The following BSN variants were observed in gnomAD, a reference collection of about 807,000 sequenced individuals.
The protein encoded by BSN is protein bassoon.
BSN carries 57 observed loss-of-function variants against 264.8 expected under a neutral mutation model. The ratio of observed to expected loss-of-function variants is 0.22; its 90% CI spans 0.17 to 0.27. BSN has a LOEUF of 0.27. Ranked by LOEUF, BSN falls within the 10% of genes least tolerant of loss-of-function variation. The probability of loss-of-function intolerance (pLI) is 1.00; values close to 1 mark genes in which losing one functional copy is unlikely to be tolerated. For synonymous variants in BSN, 2,059 were observed against 2,137.3 expected (o/e 0.96, Z 1.01); for missense variants, 4,615 against 5,232.5 (o/e 0.88, Z 3.64).
In BSN at chr3:49,658,247, C is replaced by T. The variant is rs377189575; in HGVS notation, c.8640+51C>T. 68 of 1,476,456 alleles carry T rather than the reference C, an allele frequency of 4.6e-5. No homozygotes were observed. In the East Asian group the frequency reaches 5.7e-4, roughly 12 times the overall value. 91.5% of individuals were successfully genotyped at this position (1,476,456 alleles called of 1,614,324 possible). A position where few individuals can be genotyped will look rare whatever the true frequency, so the allele number is the denominator to read the frequency against. On this transcript the variant is annotated intron_variant, in intron 5 of 11. Coordinates refer to ENST00000296452, the MANE Select transcript of BSN (RefSeq NM_003458.4). Reference sequence around the variant, plus strand: ...GTGGGACAGGGGTCTCTGCCTAGCCCGAGGGGCCCCCACAGGGAGGGGCTT... The same window carrying T: ...GTGGGACAGGGGTCTCTGCCTAGCCTGAGGGGCCCCCACAGGGAGGGGCTT...
At chr3:49,606,227 C>CA (rs2052144415) in intron 1 of BSN, among the ~76,000 whole-genome samples, 1 of 13,668 alleles carries the variant, frequency 7.3e-5, no homozygotes, top group Non-Finnish European at 1.4e-4. Context: ...ATTATATATA[C>CA]ATATATTATA....
At chr3:49,560,855 G>A (rs1420807792) in intron 1 of BSN, among the ~76,000 whole-genome samples, 1 of 152,170 alleles carries the variant, frequency 6.6e-6, no homozygotes, top group African/African-American at 2.4e-5. Flanking sequence ...CGGGCTTCTA[G>A]TGGGGGTCTG....
rs761198566 is a variant in BSN at position 49,661,528 on chromosome 3, C to T, written c.9683C>T (p.Pro3228Leu). The change falls in exon 6 of 12, where the codon CCT (proline) becomes CTT (leucine). Residue 3228 changes from proline (P) to leucine (L), a missense_variant. Pro to Leu is a moderately conservative substitution (Grantham distance 98, BLOSUM62 -3). Coordinates refer to ENST00000296452, the MANE Select transcript of BSN (RefSeq NM_003458.4). Reference protein sequence around the residue: ...SHYTSLEQNVPRNYVMIDDIS... With the variant: ...SHYTSLEQNVLRNYVMIDDIS... ...TATACCAGTCTGGAGCAGAACGTTC[C>T]TCGAAACTACGTAATGATTGATGAC... is the stretch of plus-strand genomic sequence containing the variant. 4 of 1,613,986 alleles carry T rather than the reference C, an allele frequency of 2.5e-6. No individual in the cohort carries two copies. The highest frequency in any genetic ancestry group is 2.2e-5 in the South Asian group (2 of 91,086).
At chr3:49,617,977 G>A (rs780350845) in intron 1 of BSN, among the ~76,000 whole-genome samples, 2 of 152,124 alleles carry the variant, frequency 1.3e-5, no homozygotes, top group African/African-American at 2.4e-5. Context: ...GCATTGTTGA[G>A]TGCTCCTCCT....
At chr3:49,606,049 A>G (rs1559603296) in intron 1 of BSN, among the ~76,000 whole-genome samples, 2 of 92,742 alleles carry the variant, frequency 2.2e-5, no homozygotes, top group African/African-American at 8.9e-5. Context: ...ATTATATTAT[A>G]TATAATTATA....
intron 1 of BSN, among the ~76,000 whole-genome samples, chr3:49,610,835 C>G (rs897213904): frequency 1.1e-4 from 16 of 152,190 alleles, no homozygotes; most frequent in Non-Finnish European, 2.2e-4. Flanking sequence ...GTCCAGTCCC[C>G]TGAGCACAGC....
At chr3:49,616,931 G>C (rs540905149) in intron 1 of BSN, among the ~76,000 whole-genome samples, 3 of 152,318 alleles carry the variant, frequency 2.0e-5, no homozygotes, top group African/African-American at 7.2e-5. Context: ...TGGTGGGGGA[G>C]AGGCTAACTG....
intron 1 of BSN, among the ~76,000 whole-genome samples, chr3:49,565,853 G>A (rs572118697): frequency 6.5e-4 from 98 of 151,706 alleles, no homozygotes; most frequent in African/African-American, 2.3e-3. Context: ...ACGGAGTCTC[G>A]CCCTATTGCC....
intron 1 of BSN, among the ~76,000 whole-genome samples, chr3:49,589,878 G>A (rs1373902617): frequency 1.3e-4 from 15 of 118,414 alleles, no homozygotes; most frequent in African/African-American, 3.9e-4. Context: ...TCACTCTGTC[G>A]CCAGGCTGGA....
intron 1 of BSN, among the ~76,000 whole-genome samples, chr3:49,602,648 G>T (rs182741923): frequency 2.0e-4 from 31 of 152,146 alleles, no homozygotes; most frequent in African/African-American, 7.0e-4. Context: ...GTTTCACCAT[G>T]TTGGCCAGGC....
Position 49,568,996 on chromosome 3 carries a change from C to T in BSN, c.224+14170C>T, listed in dbSNP as rs565285642. 1.1e-4 allele frequency among the ~76,000 whole-genome samples: 16 copies of T among 152,152 alleles called. 1 individual carries two copies. In the South Asian group the frequency reaches 2.9e-3, roughly 28 times the overall value. ...AGTAGTAAGAGTGATGAAAAGTGCT[C>T]AACTTCTGAATATATTCTGGAAATT... On this transcript the variant is annotated intron_variant, in intron 1 of 11. Transcript: ENST00000296452.
In BSN at chr3:49,607,136, G is replaced by A. The variant is rs150550092; in HGVS notation, c.225-17839G>A. On this transcript the variant is annotated intron_variant, in intron 1 of 11. Transcript: ENST00000296452. Reference sequence around the variant, plus strand: ...TCTTTTGTCAGACACAGGCCATACAGTTCTACCATTATCTCTCCCTTAGCA... The same window carrying A: ...TCTTTTGTCAGACACAGGCCATACAATTCTACCATTATCTCTCCCTTAGCA... Among the ~76,000 whole-genome samples, 542 of 152,206 alleles carry A rather than the reference G, an allele frequency of 3.6e-3. 6 individuals are homozygous for A. The highest frequency in any genetic ancestry group is 5.3e-3 in the Non-Finnish European group (357 of 68,000).
intron 1 of BSN, among the ~76,000 whole-genome samples, chr3:49,567,602 A>G (rs988266731): frequency 6.6e-6 from 1 of 152,224 alleles, no homozygotes; most frequent in African/African-American, 2.4e-5. Flanking sequence ...ACCTCACAGC[A>G]CATTTCAAGC....
intron 1 of BSN, among the ~76,000 whole-genome samples, chr3:49,605,499 A>T (rs946923655): frequency 1.1e-3 from 6 of 5,254 alleles, no homozygotes; most frequent in African/African-American, 2.4e-3. Flanking sequence ...TATTATATAT[A>T]ATATATATTA....
In BSN at chr3:49,660,552, G is replaced by A; in HGVS notation, c.8707G>A (p.Glu2903Lys). The change falls in exon 6 of 12, where the codon GAG becomes AAG. Residue 2903 changes from glutamate to lysine, a missense_variant. Physicochemically the swap from Glu to Lys is moderately conservative, Grantham distance 56. Around this residue, in one of 3 missense-constraint regions of BSN, gnomAD observed 3,415 missense variants for 3,866.4 expected, o/e 0.88. Coordinates refer to ENST00000296452, the MANE Select transcript of BSN (RefSeq NM_003458.4). This position sits in a 1 kb window ranked among gnomAD's most constrained non-coding sequence, Gnocchi z 7.1. ...VKRTLPSPPP[E>K]EAHLPLAGQA... Reference sequence around the variant, plus strand: ...GCGGACACTGCCCAGCCCCCCTCCAGAGGAGGCTCACCTTCCCCTGGCTGG... The same window carrying A: ...GCGGACACTGCCCAGCCCCCCTCCAAAGGAGGCTCACCTTCCCCTGGCTGG... The A allele has an allele frequency of 6.3e-7, 1 of 1,591,988 alleles. No homozygotes were observed. The highest frequency in any genetic ancestry group is 1.1e-5 in the South Asian group (1 of 88,276).
downstream of BSN, among the ~76,000 whole-genome samples, chr3:49,671,938 C>A (rs528171557): frequency 6.6e-6 from 1 of 152,302 alleles, no homozygotes; most frequent in South Asian, 2.1e-4. This position sits in a 1 kb window ranked among gnomAD's most constrained non-coding sequence, Gnocchi z 4.1. Context: ...TTTTCCAACC[C>A]CCAAACTCTC....
At chr3:49,570,214 C>T (rs1410788418) in intron 1 of BSN, among the ~76,000 whole-genome samples, 2 of 152,118 alleles carry the variant, frequency 1.3e-5, no homozygotes, top group Non-Finnish European at 2.9e-5. Context: ...TAAGATACAC[C>T]ACCCATAGAG....
At chr3:49,588,519 T>C (rs1427352941) in intron 1 of BSN, among the ~76,000 whole-genome samples, 4 of 152,240 alleles carry the variant, frequency 2.6e-5, no homozygotes, top group African/African-American at 9.6e-5. Flanking sequence ...AAATGCTTTT[T>C]CAGCATCAAT....
rs2052476583 is a variant in BSN at position 49,642,931 on chromosome 3, G to A, written c.1297G>A (p.Gly433Arg). 1.2e-6 allele frequency: 2 copies of A among 1,614,092 alleles called. No homozygotes were observed. Among genetic ancestry groups the A allele is most frequent in the Non-Finnish European group, 1.7e-6 (2 of 1,180,022 alleles). Residue 433 changes from glycine (G) to arginine (R), a missense_variant, in exon 3 of 12, where the codon GGG (glycine) becomes AGG (arginine). Transcript: ENST00000296452. This position sits in a 1 kb window ranked among gnomAD's most constrained non-coding sequence, Gnocchi z 7.0. Reference sequence around the variant, plus strand: ...TGGACCTGGAGCCCTGCCGAAAACTGGGGGAACAACCAGTCCAAAGCATGG... The same window carrying A: ...TGGACCTGGAGCCCTGCCGAAAACTAGGGGAACAACCAGTCCAAAGCATGG... Reference protein sequence around the residue: ...GSGPGALPKTGGTTSPKHGRA... With the variant: ...GSGPGALPKTRGTTSPKHGRA...
Sources: gnomAD v4.1 joint callset for allele counts (sites outside exome capture counted in the v4.1 genomes callset) on GRCh38, gnomAD v4.1.1 for gene constraint, gnomAD v4.1.1 regional missense constraint, Gnocchi (gnomAD v3.1) non-coding constraint, MANE v1.5 for transcripts, NCBI Gene and HGNC (gene_info 2026-07-23, HGNC 2026-07-21) for gene names.